Variants in SNTG2 observed in about 807,000 individuals in gnomAD.
The protein encoded by SNTG2 is syntrophin gamma 2, also known as gamma-2-syntrophin.
SNTG2 carries 74 observed loss-of-function variants against 70.9 expected under a neutral mutation model. The ratio of observed to expected loss-of-function variants is 1.04; its 90% CI spans 0.86 to 1.27. SNTG2 has a LOEUF of 1.27. Among genes scored for constraint, SNTG2 ranks in the 50% most tolerant of loss-of-function variants. The probability of loss-of-function intolerance (pLI) is 0.00; values close to 1 mark genes in which losing one functional copy is unlikely to be tolerated. For synonymous variants in SNTG2, 278 were observed against 273.8 expected, an observed-to-expected ratio of 1.02 and a Z score of -0.15; for missense variants, 717 against 690.7, an observed-to-expected ratio of 1.04 and a Z score of -0.43.
chr2:1,341,228 C>T (rs1660069950), intron 16 of SNTG2: 1 of 152,178 alleles, frequency 6.6e-6, no homozygotes. Context: ...TTTCTGTACA[C>T]ATCAGGAAGC....
chr2:1,178,011 T>A (rs1021211856), intron 8 of SNTG2, among the ~76,000 whole-genome samples: 1 of 152,204 alleles, frequency 6.6e-6, no homozygotes, highest in Non-Finnish European at 1.5e-5. Context: ...TTTTTAATTA[T>A]ATGATAAACA....
At chr2:1,226,379 G>A (rs1675777413) in intron 9 of SNTG2, among the ~76,000 whole-genome samples, 2 of 152,204 alleles carry the variant, frequency 1.3e-5, no homozygotes, top group Admixed American at 1.3e-4. Flanking sequence ...GCTTCATAGA[G>A]GTTAAATCGG....
chr2:1,245,453 C>T (rs1677368237), intron 11 of SNTG2, among the ~76,000 whole-genome samples: 2 of 152,112 alleles, frequency 1.3e-5, no homozygotes, highest in Non-Finnish European at 2.9e-5. Flanking sequence ...GTGTGGAAGC[C>T]ACTGTGTTTG....
chr2:1,023,604 A>G (rs570856753), intron 1 of SNTG2, among the ~76,000 whole-genome samples: 2 of 152,288 alleles, frequency 1.3e-5, no homozygotes, highest in African/African-American at 4.8e-5. Context: ...TGTTGTGGAC[A>G]GTGTCAATTC....
intron 6 of SNTG2, among the ~76,000 whole-genome samples, chr2:1,141,899 G>A (rs1056664689): frequency 1.3e-5 from 2 of 152,154 alleles, no homozygotes; most frequent in Non-Finnish European, 2.9e-5. Context: ...TTGTGACAGG[G>A]GCCATGGCAG....
chr2:1,114,170 A>G (rs907853507), intron 4 of SNTG2, among the ~76,000 whole-genome samples: 1 of 147,518 alleles, frequency 6.8e-6, no homozygotes, highest in Non-Finnish European at 1.5e-5. Flanking sequence ...TTTGAGGAGG[A>G]TCGTGTGTAA....
chr2:1,270,381 A>G (rs954733872), intron 14 of SNTG2, among the ~76,000 whole-genome samples: 1 of 152,262 alleles, frequency 6.6e-6, no homozygotes, highest in Non-Finnish European at 1.5e-5. Flanking sequence ...GAATTAAGTC[A>G]AACGCCTAAT....
chr2:1,307,482 A>C (rs1360786209), intron 14 of SNTG2, among the ~76,000 whole-genome samples: 3 of 150,938 alleles, frequency 2.0e-5, no homozygotes, highest in Non-Finnish European at 3.0e-5. Context: ...AAGAGAGAGA[A>C]GGAGGGAAAG....
chr2:1,280,197 A>G lies in SNTG2; in HGVS notation c.1284+12626A>G, dbSNP rs558764196. 6.8e-4 allele frequency among the ~76,000 whole-genome samples: 104 copies of G among 152,320 alleles called. 1 individual carries two copies. Among genetic ancestry groups the G allele is most frequent in the African/African-American group, 2.3e-3 (94 of 41,566 alleles). On this transcript the variant is annotated intron_variant, in intron 14 of 16. Coordinates refer to ENST00000308624, the MANE Select transcript of SNTG2 (RefSeq NM_018968.4). The stretch of plus-strand genomic sequence containing the variant: ...TGTTTCTCCTGAAAAAAATCAAGAG[A>G]ACCTAAGAGAAAGTCAGGTGAAATA...
chr2:1,102,670 A>G (rs1309455882), intron 4 of SNTG2: 1 of 152,442 alleles, frequency 6.6e-6, no homozygotes, highest in African/African-American at 2.4e-5. Flanking sequence ...TTTGCTGGCC[A>G]GTGGAGTGTA....
intron 9 of SNTG2, among the ~76,000 whole-genome samples, chr2:1,219,490 C>T (rs1034672869): frequency 3.9e-5 from 6 of 152,134 alleles, no homozygotes; most frequent in Admixed American, 6.5e-5. Flanking sequence ...ATCTCTGTGC[C>T]ACAGAATTTC....
chr2:1,052,035 ATATTT>A (rs1163391876), intron 1 of SNTG2, among the ~76,000 whole-genome samples: 4 of 151,376 alleles, frequency 2.6e-5, no homozygotes, highest in Non-Finnish European at 4.4e-5. Context: ...AGATTTCATA[ATATTT>A]TATTTAGGAT....
At chr2:1,118,392 G>T (rs760170812) in intron 4 of SNTG2, among the ~76,000 whole-genome samples, 1 of 151,970 alleles carries the variant, frequency 6.6e-6, no homozygotes, top group Non-Finnish European at 1.5e-5. Flanking sequence ...TGCAGCCTAT[G>T]CCACTTAGAC....
intron 16 of SNTG2, among the ~76,000 whole-genome samples, chr2:1,325,002 G>A (rs144936952): frequency 3.3e-4 from 50 of 152,272 alleles, no homozygotes; most frequent in Middle Eastern, 3.4e-3. Context: ...TGTGCTTGCC[G>A]CAAGGTCAGG....
Position 1,083,627 on chromosome 2 carries a change from G to A in SNTG2, c.182G>A (p.Cys61Tyr), listed in dbSNP as rs1322950118. 10 of 1,613,780 alleles carry A rather than the reference G, an allele frequency of 6.2e-6. No homozygotes were observed. The highest frequency in any genetic ancestry group is 7.6e-6 in the Non-Finnish European group (9 of 1,179,708). ...ACAATTCAGAAACAAGATGTTGTCT[G>A]TGTGGGCGGAAGCCACCAGGGCAGG... ...VLTIQKQDVV[C>Y]VGGSHQGRNR... The change falls in exon 2 of 17, where the codon TGT (cysteine) becomes TAT (tyrosine). Residue 61 changes from cysteine (C) to tyrosine (Y), a missense_variant. By Grantham distance (194) the Cys-to-Tyr change is radical (BLOSUM62 -2). Coordinates refer to ENST00000308624, the MANE Select transcript of SNTG2 (RefSeq NM_018968.4).
chr2:1,087,037 C>A (rs536605367), intron 2 of SNTG2, among the ~76,000 whole-genome samples: 3 of 152,156 alleles, frequency 2.0e-5, no homozygotes, highest in Non-Finnish European at 4.4e-5. Context: ...GGGTTGCTGA[C>A]ATTTGAGGAA....
At chr2:1,319,706 T>C (rs1005424407) in intron 16 of SNTG2, among the ~76,000 whole-genome samples, 2 of 152,070 alleles carry the variant, frequency 1.3e-5, no homozygotes, top group East Asian at 3.9e-4. Flanking sequence ...TCCCACAGAG[T>C]AGGAAACACA....
At chr2:1,325,747 T>C (rs1280350674) in intron 16 of SNTG2, among the ~76,000 whole-genome samples, 1 of 152,200 alleles carries the variant, frequency 6.6e-6, no homozygotes, top group Non-Finnish European at 1.5e-5. Flanking sequence ...GGTTAAAGAC[T>C]CAATTGGCAA....
chr2:1,109,533 T>C (rs946314566), intron 4 of SNTG2, among the ~76,000 whole-genome samples: 2 of 152,182 alleles, frequency 1.3e-5, no homozygotes, highest in Admixed American at 1.3e-4. Flanking sequence ...TCACATTTCA[T>C]AGGGCAGCAG....
Sources: allele counts gnomAD v4.1 joint callset (sites outside exome capture counted in the v4.1 genomes callset), GRCh38; gene constraint gnomAD v4.1.1; transcripts MANE v1.5; gene names NCBI Gene and HGNC (gene_info 2026-07-23, HGNC 2026-07-21).